The following AK8 variants were observed in gnomAD, a reference collection of about 807,000 sequenced individuals.
AK8 encodes the protein adenylate kinase 8, also known as ATP-AMP transphosphorylase 8.
In AK8, 44 loss-of-function variants were observed where a neutral mutation model predicts 54.6. The ratio of observed to expected loss-of-function variants is 0.81; its 90% CI spans 0.63 to 1.04. The LOEUF (loss-of-function observed/expected upper bound fraction) is 1.04. Among genes scored for constraint, AK8 ranks in the 50% least tolerant of loss-of-function variants. The probability of loss-of-function intolerance (pLI) is 0.00; values close to 1 mark genes in which losing one functional copy is unlikely to be tolerated. For synonymous variants in AK8, 239 were observed against 245.6 expected (o/e 0.97, Z 0.25); for missense variants, 555 against 613.6 (o/e 0.90, Z 1.01).
intron 11 of AK8, among the ~76,000 whole-genome samples, chr9:132,787,935 A>C (rs1334835748): frequency 6.6e-6 from 1 of 151,926 alleles, no homozygotes; most frequent in African/African-American, 2.4e-5. Context: ...GCCAAGGGGA[A>C]TTCCTCTGAT....
intron 1 of AK8, chr9:132,877,796 T>C (rs904701272): frequency 4.0e-6 from 2 of 496,954 alleles, no homozygotes; most frequent in Non-Finnish European, 7.9e-6. Context: ...CAGATGGTAA[T>C]TGTCAGCGCC....
At chr9:132,871,812 C>T (rs1843850031) in intron 2 of AK8, among the ~76,000 whole-genome samples, 1 of 152,312 alleles carries the variant, frequency 6.6e-6, no homozygotes, top group African/African-American at 2.4e-5. Flanking sequence ...GAGGTGGCAG[C>T]GGAGGTGGCT....
chr9:132,838,179 G>A (rs75936896), intron 5 of AK8, among the ~76,000 whole-genome samples: 1,866 of 152,240 alleles, frequency 0.012, 25 homozygotes, highest in Admixed American at 0.02. Flanking sequence ...CCTCCACTCC[G>A]TTACTGTTTC....
chr9:132,837,319 GAAAAAAAAAA>G lies in AK8; in HGVS notation c.403-8603_403-8594del, dbSNP rs749147088. Among the ~76,000 whole-genome samples, 1 of 89,658 alleles carries G rather than the reference GAAAAAAAAAA, an allele frequency of 1.1e-5. No individual in the cohort carries two copies. The allele number at this position is 89,658 out of a possible 152,430, so 58.8% of individuals were successfully genotyped here. On this transcript the variant is annotated intron_variant, in intron 5 of 12. Transcript: ENST00000298545. This position sits in a 1 kb window ranked among gnomAD's most constrained non-coding sequence, Gnocchi z 4.3. The stretch of plus-strand genomic sequence containing the variant: ...GGGTGACAGAGCAAGACTCCATCTC[GAAAAAAAAAA>G]AAAAAAAAAGAATGAAAGAATGAGG...
At chr9:132,848,862 A>C (rs1842857237) in intron 5 of AK8, among the ~76,000 whole-genome samples, 1 of 151,082 alleles carries the variant, frequency 6.6e-6, no homozygotes. Flanking sequence ...AGTTAAAATG[A>C]AAGTCTATGG....
At position 132,792,636 on chromosome 9, in the gene AK8, G is replaced by A; in HGVS notation, c.1119C>T (p.Asn373=). ...CTGGCTTGGCTGGGGCAGCTCACCT[G>A]TTGGGATTGTAGCCCAGGCGGTTCA... ...HLLNRLGYNP[N]RVFFLNVPFD... Residue 373 remains asparagine (N), a splice_region_variant and synonymous_variant, in exon 11 of 13, where the codon AAC becomes AAT. Transcript: ENST00000298545. The A allele has an allele frequency of 6.4e-7, 1 of 1,552,326 alleles. No individual in the cohort carries two copies.
At chr9:132,813,775 G>C (rs1326876630) in intron 10 of AK8, among the ~76,000 whole-genome samples, 1 of 152,136 alleles carries the variant, frequency 6.6e-6, no homozygotes, top group East Asian at 1.9e-4. Context: ...CTGTGGGTCA[G>C]ATCCTAGGAA....
At chr9:132,876,815 T>C (rs116127438) in intron 1 of AK8, among the ~76,000 whole-genome samples, 432 of 152,256 alleles carry the variant, frequency 2.8e-3, no homozygotes, top group African/African-American at 7.1e-3. Flanking sequence ...AGCTTTCTTG[T>C]TGGGAGGCCG....
At position 132,826,427 on chromosome 9, in the gene AK8, C is replaced by CTG. The variant is rs1323022122; in HGVS notation, c.757+425_757+426dup. ...TCCTAAATGAAGCATACCACCTGTG[C>CTG]TGTGTGTGTGTGTTTTATTGTGTTG... On this transcript the variant is annotated intron_variant, in intron 8 of 12. Transcript: ENST00000298545. This position sits in a 1 kb window ranked among gnomAD's most constrained non-coding sequence, Gnocchi z 4.5. 2.0e-5 allele frequency among the ~76,000 whole-genome samples: 3 copies of CTG among 152,002 alleles called. No individual in the cohort carries two copies. Among genetic ancestry groups the CTG allele is most frequent in the Admixed American group, 6.6e-5 (1 of 15,252 alleles).
At position 132,878,207 on chromosome 9, in the gene AK8, A is replaced by G; in HGVS notation, c.49T>C (p.Tyr17His). 6.9e-7 allele frequency: 1 copy of G among 1,459,378 alleles called. No individual in the cohort carries two copies. Among genetic ancestry groups the G allele is most frequent in the Non-Finnish European group, 9.1e-7 (1 of 1,101,948 alleles). 90.4% of individuals were successfully genotyped at this position (1,459,378 alleles called of 1,614,324 possible). The change falls in exon 1 of 13, where the codon TAC (tyrosine) becomes CAC (histidine). Residue 17 changes from tyrosine (Y) to histidine (H), a missense_variant. Coordinates refer to ENST00000298545, the MANE Select transcript of AK8 (RefSeq NM_152572.3). This position sits in a 1 kb window ranked among gnomAD's most constrained non-coding sequence, Gnocchi z 4.7. ...PHRIPPEMPQ[Y>H]GEENHIFELM... ...TCGAAGATGTGGTTCTCCTCCCCGT[A>G]CTGGGGCATCTCGGGGGGGATACGG...
chr9:132,782,256 T>A (rs1297328283), intron 11 of AK8, among the ~76,000 whole-genome samples: 1 of 152,132 alleles, frequency 6.6e-6, no homozygotes, highest in Non-Finnish European at 1.5e-5. Context: ...AACAGTCATT[T>A]TTCCCCCCAG....
At chr9:132,778,060 G>A (rs1839303292) in intron 11 of AK8, among the ~76,000 whole-genome samples, 1 of 152,220 alleles carries the variant, frequency 6.6e-6, no homozygotes. Context: ...AGGTCCTGTT[G>A]CAGTCAGCTG....
At position 132,837,648 on chromosome 9, in the gene AK8, C is replaced by T. The variant is rs1043433718; in HGVS notation, c.403-8922G>A. 1.3e-5 allele frequency among the ~76,000 whole-genome samples: 2 copies of T among 152,180 alleles called. No individual in the cohort carries two copies. Among genetic ancestry groups the T allele is most frequent in the Admixed American group, 6.6e-5 (1 of 15,266 alleles). On this transcript the variant is annotated intron_variant, in intron 5 of 12. Coordinates refer to ENST00000298545, the MANE Select transcript of AK8 (RefSeq NM_152572.3). This position sits in a 1 kb window ranked among gnomAD's most constrained non-coding sequence, Gnocchi z 4.3. The stretch of plus-strand genomic sequence containing the variant: ...GGCATCACACATCCACAGAGCATAT[C>T]GGAACACGCGTTCCTGTCCACATGG...
At chr9:132,738,823 T>C (rs865877140) in intron 11 of AK8, among the ~76,000 whole-genome samples, 2 of 149,124 alleles carry the variant, frequency 1.3e-5, no homozygotes, top group African/African-American at 4.9e-5. Flanking sequence ...GGAGCCATCA[T>C]GACTGGCTGC....
chr9:132,782,176 A>G (rs552449550), intron 11 of AK8, among the ~76,000 whole-genome samples: 12 of 152,162 alleles, frequency 7.9e-5, no homozygotes, highest in Middle Eastern at 3.4e-3. Flanking sequence ...TCGGTTCTTG[A>G]ATATTCCTCC....
At chr9:132,868,134 G>A (rs538748784) in intron 2 of AK8, among the ~76,000 whole-genome samples, 51 of 152,318 alleles carry the variant, frequency 3.3e-4, no homozygotes, top group African/African-American at 1.2e-3. Flanking sequence ...AGCCTCTAAC[G>A]TCTGCATGAG....
chr9:132,809,711 C>T (rs918508261), intron 10 of AK8, among the ~76,000 whole-genome samples: 4 of 152,228 alleles, frequency 2.6e-5, no homozygotes, highest in Admixed American at 1.3e-4. Context: ...TGTCTCCTAT[C>T]GGGTTCAGAA....
intron 3 of AK8, among the ~76,000 whole-genome samples, chr9:132,864,650 G>C (rs1380104631): frequency 2.0e-5 from 3 of 152,248 alleles, no homozygotes; most frequent in Non-Finnish European, 4.4e-5. Flanking sequence ...AGGGCACTCA[G>C]GAGTGGGGAC....
intron 5 of AK8, among the ~76,000 whole-genome samples, chr9:132,835,717 G>A (rs943076498): frequency 3.9e-5 from 6 of 152,208 alleles, no homozygotes; most frequent in Non-Finnish European, 8.8e-5. Flanking sequence ...ACCAGGCACC[G>A]TGGCTCATGC....
Sources: gnomAD v4.1 joint callset for allele counts (sites outside exome capture counted in the v4.1 genomes callset) on GRCh38, gnomAD v4.1.1 for gene constraint, Gnocchi (gnomAD v3.1) non-coding constraint, MANE v1.5 for transcripts, NCBI Gene and HGNC (gene_info 2026-07-23, HGNC 2026-07-21) for gene names.